The following NUFIP2 variants were observed in gnomAD, a reference collection of about 807,000 sequenced individuals.
NUFIP2 encodes the protein FMR1-interacting protein NUFIP2.
A neutral mutation model predicts 56.9 loss-of-function variants in NUFIP2; 6 were observed. The ratio of observed to expected loss-of-function variants is 0.11; its 90% CI spans 0.06 to 0.21. The LOEUF (loss-of-function observed/expected upper bound fraction) is 0.21. Ranked by LOEUF, NUFIP2 falls within the 10% of genes least tolerant of loss-of-function variation. The pLI is 1.00. For synonymous variants in NUFIP2, 321 were observed against 298.2 expected (o/e 1.08, Z -0.79); for missense variants, 828 against 826.8 (o/e 1.00, Z -0.02).
rs1258607514 is a variant in NUFIP2, at chr17:29,259,210, A to C, written c.*5329T>G. Reference sequence around the variant, plus strand: ...AAGTTAATTTGTTGGTCTGAAGAGTACAACAACTTTGATATGCACTGAAAG... The same window carrying C: ...AAGTTAATTTGTTGGTCTGAAGAGTCCAACAACTTTGATATGCACTGAAAG... On this transcript the variant is annotated 3_prime_UTR_variant, in exon 4 of 4. Coordinates refer to ENST00000225388, the MANE Select transcript of NUFIP2 (RefSeq NM_020772.3). 6.6e-6 allele frequency: 1 copy of C among 152,060 alleles called. No individual in the cohort carries two copies. Among genetic ancestry groups the C allele is most frequent in the Non-Finnish European group, 1.5e-5 (1 of 68,050 alleles). 9.4% of individuals were successfully genotyped at this position (152,060 alleles called of 1,614,324 possible).
chr17:29,274,738 A>C (rs2069097012), intron 2 of NUFIP2, among the ~76,000 whole-genome samples: 1 of 152,180 alleles, frequency 6.6e-6, no homozygotes, highest in Non-Finnish European at 1.5e-5. Context: ...AGGTTATTGT[A>C]CTAAATAGTG....
At chr17:29,272,352 C>T (rs1267682342) in intron 2 of NUFIP2, among the ~76,000 whole-genome samples, 3 of 151,526 alleles carry the variant, frequency 2.0e-5, no homozygotes, top group East Asian at 3.9e-4. Flanking sequence ...GCCATTCTCC[C>T]GCCTCAGCCT....
chr17:29,279,654 C>T (rs1257785446), intron 2 of NUFIP2, among the ~76,000 whole-genome samples: 1 of 152,100 alleles, frequency 6.6e-6, no homozygotes, highest in Non-Finnish European at 1.5e-5. Context: ...CCATCTCAGC[C>T]TCCACATGCC....
Position 29,256,168 on chromosome 17 carries a change from T to A in NUFIP2, c.*8371A>T, listed in dbSNP as rs962641711. Reference sequence around the variant, plus strand: ...GGCAAAACAAACATTGAAACTTTTTTTTGAGCGGGGGGAACATCCTTTAAC... The same window carrying A: ...GGCAAAACAAACATTGAAACTTTTTATTGAGCGGGGGGAACATCCTTTAAC... On this transcript the variant is annotated 3_prime_UTR_variant, in exon 4 of 4. Coordinates refer to ENST00000225388, the MANE Select transcript of NUFIP2 (RefSeq NM_020772.3). 1 of 152,228 alleles carries A rather than the reference T, an allele frequency of 6.6e-6. No individual in the cohort carries two copies. The highest frequency in any genetic ancestry group is 1.5e-5 in the Non-Finnish European group (1 of 68,044). 9.4% of individuals were successfully genotyped at this position (152,228 alleles called of 1,614,324 possible).
rs1262291158 is a variant in NUFIP2 at position 29,286,121 on chromosome 17, T to G, written c.1873A>C (p.Asn625His). The G allele has an allele frequency of 6.2e-7, 1 of 1,614,006 alleles. No homozygotes were observed. The highest frequency in any genetic ancestry group is 1.3e-5 in the African/African-American group (1 of 74,898). Residue 625 changes from asparagine (N) to histidine (H), a missense_variant, in exon 2 of 4, where the codon AAT (asparagine) becomes CAT (histidine). Coordinates refer to ENST00000225388, the MANE Select transcript of NUFIP2 (RefSeq NM_020772.3). Reference sequence around the variant, plus strand: ...GTGTTCGTAGGAGAGGCCAGAGGATTTTGACTTTCTATCTCGTAGTCCTTT... The same window carrying G: ...GTGTTCGTAGGAGAGGCCAGAGGATGTTGACTTTCTATCTCGTAGTCCTTT... Reference protein sequence around the residue: ...LSKDYEIESQNPLASPTNTLL... With the variant: ...LSKDYEIESQHPLASPTNTLL...
intron 2 of NUFIP2, among the ~76,000 whole-genome samples, chr17:29,270,030 C>G (rs2069062451): frequency 6.6e-6 from 1 of 151,978 alleles, no homozygotes; most frequent in South Asian, 2.1e-4. Flanking sequence ...AAGCCTGGCA[C>G]TTTTAAAAAA....
At chr17:29,272,147 C>T (rs1040174530) in intron 2 of NUFIP2, among the ~76,000 whole-genome samples, 1 of 148,646 alleles carries the variant, frequency 6.7e-6, no homozygotes, top group African/African-American at 2.5e-5. Context: ...ATGACATTAT[C>T]GATAGAACAC....
At chr17:29,267,730 C>T (rs2069047059) in intron 2 of NUFIP2, among the ~76,000 whole-genome samples, 200 bp from the exon 3 acceptor site, 1 of 152,120 alleles carries the variant, frequency 6.6e-6, no homozygotes, top group Non-Finnish European at 1.5e-5. Context: ...CAGGGTCTTG[C>T]TCTGTTACTG....
chr17:29,282,463 G>A (rs969792339), intron 2 of NUFIP2, among the ~76,000 whole-genome samples: 3 of 151,316 alleles, frequency 2.0e-5, no homozygotes, highest in South Asian at 4.2e-4. Context: ...CAGGAGAATC[G>A]CTTGAACCCA....
intron 2 of NUFIP2, among the ~76,000 whole-genome samples, chr17:29,282,603 TAAATA>T (rs2069147223): frequency 6.6e-6 from 1 of 151,620 alleles, no homozygotes; most frequent in Non-Finnish European, 1.5e-5. Flanking sequence ...TTATATAAGT[TAAATA>T]AATAGTGCAC....
chr17:29,259,493 T>C lies in NUFIP2; in HGVS notation c.*5046A>G, dbSNP rs192489282. The C allele has an allele frequency of 7.3e-5, 11 of 150,672 alleles. No homozygotes were observed. Among genetic ancestry groups the C allele is most frequent in the African/African-American group, 2.2e-4 (9 of 40,866 alleles). The allele number at this position is 150,672 out of a possible 1,614,324, so 9.3% of individuals were successfully genotyped here. A position where few individuals can be genotyped will look rare whatever the true frequency, so the allele number is the denominator to read the frequency against. The stretch of plus-strand genomic sequence containing the variant: ...TACATGGGAGGCTGAGGCAGGGGAA[T>C]TGCTTGAACCAGGGAGGTGGAGGTT... On this transcript the variant is annotated 3_prime_UTR_variant, in exon 4 of 4. Transcript: ENST00000225388.
rs946166229 is a variant in NUFIP2, at chr17:29,262,726, A to G, written c.*1813T>C. The stretch of plus-strand genomic sequence containing the variant: ...TGAACCTGGACTGATACAATAAGTT[A>G]TTTTATATATATATATATATATTAT... On this transcript the variant is annotated 3_prime_UTR_variant, in exon 4 of 4. Coordinates refer to ENST00000225388, the MANE Select transcript of NUFIP2 (RefSeq NM_020772.3). 1.4e-5 allele frequency: 2 copies of G among 138,600 alleles called. No individual in the cohort carries two copies. Among genetic ancestry groups the G allele is most frequent in the African/African-American group, 5.6e-5 (2 of 35,620 alleles). 8.6% of individuals were successfully genotyped at this position (138,600 alleles called of 1,614,324 possible). A position where few individuals can be genotyped will look rare whatever the true frequency, so the allele number is the denominator to read the frequency against.
At chr17:29,284,302 G>A (rs1214283724) in intron 2 of NUFIP2, among the ~76,000 whole-genome samples, 1 of 152,172 alleles carries the variant, frequency 6.6e-6, no homozygotes, top group African/African-American at 2.4e-5. Flanking sequence ...AAAGCAAAAG[G>A]ATATAAACAT....
In NUFIP2 at chr17:29,273,497, T is replaced by TACACACACACAC. The variant is rs61077728; in HGVS notation, c.2003-5979_2003-5968dup. On this transcript the variant is annotated intron_variant, in intron 2 of 3. Transcript: ENST00000225388. ...TTGATCTTTTAACACTGCTCTCTTC[T>TACACACACACAC]ACACACACACACACACACACACACA... is the stretch of plus-strand genomic sequence containing the variant. Among the ~76,000 whole-genome samples, 789 of 149,064 alleles carry TACACACACACAC rather than the reference T, an allele frequency of 5.3e-3. 7 individuals are homozygous for TACACACACACAC. Among genetic ancestry groups the TACACACACACAC allele is most frequent in the African/African-American group, 0.018 (744 of 40,918 alleles).
At position 29,264,463 on chromosome 17, in the gene NUFIP2, A is replaced by T. The variant is rs1403971169; in HGVS notation, c.*76T>A. On this transcript the variant is annotated 3_prime_UTR_variant, in exon 4 of 4. Coordinates refer to ENST00000225388, the MANE Select transcript of NUFIP2 (RefSeq NM_020772.3). ...TCCTCTGCTGCGTTGAAGATCTAGG[A>T]GCATAAAAGCCTTGTGTCCCCCATG... 2.3e-6 allele frequency: 2 copies of T among 875,488 alleles called. No individual in the cohort carries two copies. Among genetic ancestry groups the T allele is most frequent in the Non-Finnish European group, 3.8e-6 (2 of 530,370 alleles). 54.2% of individuals were successfully genotyped at this position (875,488 alleles called of 1,614,324 possible).
At chr17:29,289,970 T>C (rs541976524) in intron 1 of NUFIP2, among the ~76,000 whole-genome samples, 9 of 152,178 alleles carry the variant, frequency 5.9e-5, no homozygotes, top group East Asian at 1.9e-4. Flanking sequence ...GTGGCCCAGG[T>C]TGAAGTGCAG....
chr17:29,271,878 C>T (rs904019302), intron 2 of NUFIP2, among the ~76,000 whole-genome samples: 6 of 151,880 alleles, frequency 4.0e-5, no homozygotes, highest in African/African-American at 1.5e-4. Flanking sequence ...CAAGACCAGC[C>T]TGACCAACAT....
Position 29,261,919 on chromosome 17 carries a change from T to C in NUFIP2, c.*2620A>G, listed in dbSNP as rs1029507686. On this transcript the variant is annotated 3_prime_UTR_variant, in exon 4 of 4. Coordinates refer to ENST00000225388, the MANE Select transcript of NUFIP2 (RefSeq NM_020772.3). Reference sequence around the variant, plus strand: ...GGAGAAATCAAAGTGAAATGTTGCATTGTTTCATTTAGAAGTGAGACTCTC... The same window carrying C: ...GGAGAAATCAAAGTGAAATGTTGCACTGTTTCATTTAGAAGTGAGACTCTC... 3.3e-5 allele frequency: 5 copies of C among 152,466 alleles called. No homozygotes were observed. Among genetic ancestry groups the C allele is most frequent in the Non-Finnish European group, 5.9e-5 (4 of 67,990 alleles). The allele number at this position is 152,466 out of a possible 1,614,324, so 9.4% of individuals were successfully genotyped here.
chr17:29,271,701 C>G (rs535428289), intron 2 of NUFIP2, among the ~76,000 whole-genome samples: 1 of 152,094 alleles, frequency 6.6e-6, no homozygotes, highest in Non-Finnish European at 1.5e-5. Flanking sequence ...GAAACTCAAA[C>G]AAGGTTAGGA....
Sources: gnomAD v4.1 joint callset for allele counts (sites outside exome capture counted in the v4.1 genomes callset) on GRCh38, gnomAD v4.1.1 for gene constraint, MANE v1.5 for transcripts, NCBI Gene and HGNC (gene_info 2026-07-23, HGNC 2026-07-21) for gene names.